ACAD11: variants seen among roughly 807,000 people sequenced by gnomAD.
ACAD11 encodes the protein acyl-Coenzyme A dehydrogenase family, member 11.
A neutral mutation model predicts 102.2 loss-of-function variants in ACAD11; 83 were observed. That is an observed-to-expected ratio of 0.81 (90% CI 0.68 to 0.97). The LOEUF is 0.97. Among genes scored for constraint, ACAD11 ranks in the 50% least tolerant of loss-of-function variants. The probability of loss-of-function intolerance (pLI) is 0.00; values close to 1 mark genes in which losing one functional copy is unlikely to be tolerated. For synonymous variants in ACAD11, 324 were observed against 319.8 expected (o/e 1.01, Z -0.14); for missense variants, 901 against 951.7 (o/e 0.95, Z 0.70).
chr3:132,659,448 G>T (rs1938006336), intron 1 of ACAD11, 155 bp downstream of exon 1: 1 of 1,040,860 alleles, frequency 9.6e-7, no homozygotes, highest in Non-Finnish European at 1.4e-6. Flanking sequence ...GAATTCGGAG[G>T]GCCGGCAATA....
intron 11 of ACAD11, among the ~76,000 whole-genome samples, 178 bp from the exon 12 acceptor site, chr3:132,605,383 G>A (rs533228305): frequency 6.6e-6 from 1 of 152,312 alleles, no homozygotes; most frequent in East Asian, 1.9e-4. Context: ...ATATTTACAA[G>A]TACAGGGCAT....
chr3:132,642,108 A>G lies in ACAD11; in HGVS notation c.401T>C (p.Ile134Thr). ...ACGTTCTGCTGGGCTAAGTCCAGGA[A>G]TTGTTAAATCACGGAAGATTCGACC... Reference protein sequence around the residue: ...VQGRIFRDLTIPGLSPAERSA... With the variant: ...VQGRIFRDLTTPGLSPAERSA... Residue 134 changes from isoleucine (I) to threonine (T), a missense_variant, in exon 4 of 20, where the codon ATT becomes ACT. Transcript: ENST00000264990. 1 of 1,614,010 alleles carries G rather than the reference A, an allele frequency of 6.2e-7. No homozygotes were observed. Among genetic ancestry groups the G allele is most frequent in the Non-Finnish European group, 8.5e-7 (1 of 1,179,932 alleles).
At chr3:132,639,998 TCACA>T (rs539317705) in intron 4 of ACAD11, among the ~76,000 whole-genome samples, 7 of 147,138 alleles carry the variant, frequency 4.8e-5, no homozygotes, top group African/African-American at 1.5e-4. Flanking sequence ...ACACTCTCTC[TCACA>T]CACACACACA....
chr3:132,606,000 T>C (rs1413845992), intron 11 of ACAD11, among the ~76,000 whole-genome samples: 1 of 152,224 alleles, frequency 6.6e-6, no homozygotes, highest in East Asian at 1.9e-4. Flanking sequence ...GTATTGCCCT[T>C]GGCTAACAAA....
intron 5 of ACAD11, among the ~76,000 whole-genome samples, chr3:132,637,922 C>T (rs1312456484): frequency 6.6e-6 from 1 of 152,090 alleles, no homozygotes; most frequent in Non-Finnish European, 1.5e-5. Flanking sequence ...AAAATAAAAA[C>T]CAAAAAACAT....
chr3:132,626,522 T>C (rs534164965), intron 9 of ACAD11, among the ~76,000 whole-genome samples, 169 bp downstream of exon 9: 167 of 152,340 alleles, frequency 1.1e-3, no homozygotes, highest in African/African-American at 3.8e-3. Flanking sequence ...CACAGACTTA[T>C]CTGTGCATTC....
chr3:132,608,691 T>G (rs1371797080), intron 11 of ACAD11, among the ~76,000 whole-genome samples: 2 of 152,108 alleles, frequency 1.3e-5, no homozygotes, highest in East Asian at 3.9e-4. Context: ...ACAATAATAG[T>G]GGGAGACTTT....
intron 5 of ACAD11, among the ~76,000 whole-genome samples, chr3:132,634,227 C>T (rs1284472955): frequency 6.6e-6 from 1 of 152,172 alleles, no homozygotes; most frequent in Non-Finnish European, 1.5e-5. Context: ...CAAACAACCC[C>T]ATCAACAAGT....
chr3:132,622,576 G>C (rs916808308), intron 9 of ACAD11, among the ~76,000 whole-genome samples: 1 of 152,040 alleles, frequency 6.6e-6, no homozygotes, highest in African/African-American at 2.4e-5. Flanking sequence ...TTAATACTTT[G>C]AGTTCTAAAT....
chr3:132,641,448 G>C (rs2107883894), intron 4 of ACAD11, among the ~76,000 whole-genome samples: 1 of 152,214 alleles, frequency 6.6e-6, no homozygotes, highest in East Asian at 1.9e-4. Context: ...GGAGGCTGAG[G>C]TAGGAGAATG....
intron 8 of ACAD11, chr3:132,627,161 G>A (rs527982698): frequency 5.3e-4 from 87 of 162,724 alleles, no homozygotes; most frequent in African/African-American, 2.0e-3. Context: ...GAATGGGGTG[G>A]AGCCACCGGG....
chr3:132,559,477 A>G (rs1434294108), intron 19 of ACAD11, among the ~76,000 whole-genome samples: 1 of 152,034 alleles, frequency 6.6e-6, no homozygotes, highest in Non-Finnish European at 1.5e-5. Flanking sequence ...ATGTGTGGAG[A>G]TGGACAGATG....
At chr3:132,639,795 T>A in intron 4 of ACAD11, 139 bp from the exon 5 acceptor site, 1 of 728,568 alleles carries the variant, frequency 1.4e-6, no homozygotes. Context: ...CCTGTCATCC[T>A]AAAACACTCA....
intron 19 of ACAD11, among the ~76,000 whole-genome samples, chr3:132,559,570 C>G (rs1466993071): frequency 6.6e-6 from 1 of 151,974 alleles, no homozygotes; most frequent in Non-Finnish European, 1.5e-5. Flanking sequence ...GCTACAAATT[C>G]AGCGAAACCC....
chr3:132,583,933 GT>G (rs1937677842), intron 13 of ACAD11, among the ~76,000 whole-genome samples: 1 of 152,052 alleles, frequency 6.6e-6, no homozygotes, highest in South Asian at 2.1e-4. Context: ...TATAATTTCT[GT>G]TCTTTTACAT....
At position 132,603,228 on chromosome 3, in the gene ACAD11, C is replaced by T. The variant is rs775529663; in HGVS notation, c.1621+1G>A. The stretch of plus-strand genomic sequence containing the variant: ...GTGAAAAAATTAGGCTGAACACTCA[C>T]CACTGCTCCACCATTTTTTGCCGTT... On this transcript the variant is annotated splice_donor_variant, in intron 13 of 19. Transcript: ENST00000264990. LOFTEE classifies it high-confidence loss of function. The T allele has an allele frequency of 6.2e-6, 10 of 1,613,488 alleles. No homozygotes were observed. Among genetic ancestry groups the T allele is most frequent in the Non-Finnish European group, 8.5e-6 (10 of 1,179,460 alleles).
Position 132,656,767 on chromosome 3 carries a change from C to T in ACAD11, c.149+2836G>A, listed in dbSNP as rs1367779077. On this transcript the variant is annotated intron_variant, in intron 1 of 19. Transcript: ENST00000264990. ...TCAGCCTCCCAAAGTGCTGGGATTA[C>T]AGGCATGAGCCACTGCACCCAGTCT... Among the ~76,000 whole-genome samples, 3 of 152,208 alleles carry T rather than the reference C, an allele frequency of 2.0e-5. No homozygotes were observed. In the East Asian group the frequency reaches 5.8e-4, roughly 29 times the overall value.
chr3:132,582,623 T>C (rs1023256990), intron 13 of ACAD11, among the ~76,000 whole-genome samples: 1 of 151,080 alleles, frequency 6.6e-6, no homozygotes, highest in Non-Finnish European at 1.5e-5. Flanking sequence ...CCCACTTCTA[T>C]GTAATACATA....
intron 1 of ACAD11, among the ~76,000 whole-genome samples, chr3:132,658,098 A>G (rs1472385063): frequency 1.3e-5 from 2 of 152,092 alleles, no homozygotes; most frequent in African/African-American, 4.8e-5. Context: ...CCTGACCTCA[A>G]GTGATCCACG....
Sources: gnomAD v4.1 joint callset for allele counts (sites outside exome capture counted in the v4.1 genomes callset) on GRCh38, gnomAD v4.1.1 for gene constraint, MANE v1.5 for transcripts, NCBI Gene and HGNC (gene_info 2026-07-23, HGNC 2026-07-21) for gene names.